WNK3: variants seen among roughly 807,000 people sequenced by gnomAD.
WNK3 encodes the protein serine/threonine-protein kinase WNK3.
A neutral mutation model predicts 116.7 loss-of-function variants in WNK3; 18 were observed. That is an observed-to-expected ratio of 0.15 (90% CI 0.11 to 0.23). WNK3 has a LOEUF of 0.23. Among genes scored for constraint, WNK3 ranks in the 10% least tolerant of loss-of-function variants. WNK3 has a pLI of 1.00. For synonymous variants in WNK3, 404 were observed against 469.4 expected, an observed-to-expected ratio of 0.86 and a Z score of 1.80; for missense variants, 993 against 1,323.8, an observed-to-expected ratio of 0.75 and a Z score of 3.88.
intron 10 of WNK3, among the ~76,000 whole-genome samples, chrX:54,292,233 C>T (rs1157476094): frequency 9.0e-6 from 1 of 111,664 alleles, no homozygotes; most frequent in Non-Finnish European, 1.9e-5. Context: ...CAACAGACAT[C>T]CTTCCATGTT....
chrX:54,267,694 G>T (rs1214269872), intron 10 of WNK3, among the ~76,000 whole-genome samples: 2 of 110,446 alleles, frequency 1.8e-5, no homozygotes, highest in African/African-American at 6.6e-5. Flanking sequence ...TACTTGGGAG[G>T]CTGAGGCAAG....
At chrX:54,209,045 T>C (rs2067585033) in intron 22 of WNK3, among the ~76,000 whole-genome samples, 1 of 111,309 alleles carries the variant, frequency 9.0e-6, no homozygotes, top group African/African-American at 3.3e-5. Flanking sequence ...ATAAATCACA[T>C]TATTTGTACC....
chrX:54,233,252 C>T (rs1201070152), intron 20 of WNK3, among the ~76,000 whole-genome samples: 138 of 100,486 alleles, frequency 1.4e-3, no homozygotes, highest in Admixed American at 3.6e-3. Flanking sequence ...TAGGGTGACC[C>T]TATCTCTCTA....
intron 10 of WNK3, among the ~76,000 whole-genome samples, chrX:54,282,508 C>T (rs2068528943): frequency 8.9e-6 from 1 of 111,746 alleles, no homozygotes; most frequent in Non-Finnish European, 1.9e-5. Flanking sequence ...AGAGACAATA[C>T]TACCCAAGCA....
chrX:54,305,339 T>G (rs1277169085), intron 5 of WNK3, among the ~76,000 whole-genome samples: 6 of 111,545 alleles, frequency 5.4e-5, no homozygotes, highest in African/African-American at 2.0e-4. Flanking sequence ...AACTCTTCAT[T>G]CAGTGAGGTC....
At chrX:54,262,066 T>C (rs370664584) in intron 10 of WNK3, among the ~76,000 whole-genome samples, 3 of 111,971 alleles carry the variant, frequency 2.7e-5, no homozygotes, top group Non-Finnish European at 3.8e-5. Context: ...TTATTAAATG[T>C]ATATAACATT....
exon 16 of WNK3, chrX:54,250,027 T>C (rs2068112888): frequency 8.3e-7 from 1 of 1,204,611 alleles, no homozygotes; most frequent in East Asian, 3.0e-5. Context: ...ACCGCAGACA[T>C]GGAATGCTGA....
chrX:54,251,416 G>A (rs1207463417), exon 15 of WNK3: 1 of 1,180,666 alleles, frequency 8.5e-7, no homozygotes, highest in Admixed American at 2.3e-5. Context: ...TTGAGTAGAT[G>A]TAGAATTTAT....
At chrX:54,268,079 T>TAC (rs1557158185) in intron 10 of WNK3, among the ~76,000 whole-genome samples, 10 of 63,725 alleles carry the variant, frequency 1.6e-4, no homozygotes, top group Non-Finnish European at 2.4e-4. Flanking sequence ...TCTGAATGCG[T>TAC]GCACACACAC....
At chrX:54,222,928 A>AG (rs2067786015) in intron 22 of WNK3, among the ~76,000 whole-genome samples, 1 of 96,893 alleles carries the variant, frequency 1.0e-5, no homozygotes, top group Non-Finnish European at 2.0e-5. Flanking sequence ...ATATATATAT[A>AG]TATATATATA....
chrX:54,322,450 G>A (rs1233039207), intron 2 of WNK3, among the ~76,000 whole-genome samples: 10 of 111,411 alleles, frequency 9.0e-5, no homozygotes, highest in African/African-American at 3.3e-4. Context: ...TATTCCTCAG[G>A]TGCCCTTCAA....
intron 1 of WNK3, among the ~76,000 whole-genome samples, chrX:54,335,031 C>A (rs1040527531): frequency 1.4e-4 from 15 of 110,766 alleles, no homozygotes; most frequent in African/African-American, 4.6e-4. Flanking sequence ...GAGGCCGAGG[C>A]GGGCAGATCA....
At chrX:54,215,962 T>G (rs1292139738) in intron 22 of WNK3, among the ~76,000 whole-genome samples, 1 of 111,436 alleles carries the variant, frequency 9.0e-6, no homozygotes, top group Non-Finnish European at 1.9e-5. Flanking sequence ...TGGGATGCTG[T>G]TAATCTATAA....
intron 1 of WNK3, among the ~76,000 whole-genome samples, chrX:54,351,968 A>T (rs1414851765): frequency 1.8e-5 from 2 of 112,157 alleles, no homozygotes; most frequent in African/African-American, 6.5e-5. Flanking sequence ...CATGGAATGG[A>T]AGAAACTTTG....
intron 2 of WNK3, among the ~76,000 whole-genome samples, chrX:54,312,711 G>A (rs782063307): frequency 8.4e-4 from 94 of 111,375 alleles, no homozygotes; most frequent in Middle Eastern, 4.6e-3. Context: ...AAAGTGCTGG[G>A]ACTACAGGAG....
chrX:54,261,343 C>T (rs782398524), intron 10 of WNK3, among the ~76,000 whole-genome samples: 13 of 111,170 alleles, frequency 1.2e-4, no homozygotes, highest in African/African-American at 4.2e-4. Context: ...GGGCTGACTT[C>T]ATGTGTGTGA....
chrX:54,232,113 GTATATATATATA>G (rs781829275), intron 21 of WNK3, among the ~76,000 whole-genome samples: 1 of 95,109 alleles, frequency 1.1e-5, no homozygotes, highest in East Asian at 3.2e-4. Context: ...GTGTGTGTGT[GTATATATATATA>G]TATATATATA....
chrX:54,213,549 G>A (rs371968138), intron 22 of WNK3, among the ~76,000 whole-genome samples: 6 of 57,253 alleles, frequency 1.0e-4, no homozygotes, highest in African/African-American at 5.2e-4. Context: ...GTGAGACTCC[G>A]TCTCAAAAAA....
At chrX:54,205,501 G>T (rs972953759) in intron 22 of WNK3, among the ~76,000 whole-genome samples, 1 of 110,584 alleles carries the variant, frequency 9.0e-6, no homozygotes, top group African/African-American at 3.3e-5. Context: ...ACTGAAGCAA[G>T]TATTTAAATG....
Sources: gnomAD v4.1 joint callset for allele counts (sites outside exome capture counted in the v4.1 genomes callset) on GRCh38, gnomAD v4.1.1 for gene constraint, MANE v1.5 for transcripts, NCBI Gene and HGNC (gene_info 2026-07-23, HGNC 2026-07-21) for gene names.